The following GRIA1 variants were observed in gnomAD, a reference collection of about 807,000 sequenced individuals.
GRIA1 encodes the protein glutamate ionotropic receptor AMPA type subunit 1, also known as glutamate receptor 1.
GRIA1 carries 31 observed loss-of-function variants against 99.2 expected under a neutral mutation model. The observed-to-expected ratio is 0.31, with a 90% CI of 0.23 to 0.42. The LOEUF (loss-of-function observed/expected upper bound fraction) is 0.42, where lower values mean the gene tolerates loss of function less well. Ranked by LOEUF, GRIA1 falls within the 10% of genes least tolerant of loss-of-function variation. The pLI is 1.00. For missense variants in GRIA1, 782 were observed against 1,157.5 expected, an observed-to-expected ratio of 0.68 and a Z score of 4.71; for synonymous variants, 438 against 432.4, an observed-to-expected ratio of 1.01 and a Z score of -0.16.
chr5:153,708,582 A>G (rs1029677745), intron 11 of GRIA1, among the ~76,000 whole-genome samples: 1 of 152,222 alleles, frequency 6.6e-6, no homozygotes, highest in Non-Finnish European at 1.5e-5. Flanking sequence ...TATAGATCCT[A>G]TAACACAGTA....
chr5:153,715,188 A>G (rs1434961615), intron 11 of GRIA1, among the ~76,000 whole-genome samples: 2 of 152,000 alleles, frequency 1.3e-5, no homozygotes, highest in African/African-American at 2.4e-5. Flanking sequence ...CTAGCTCCCC[A>G]CCTAAGGCTC....
At chr5:153,692,857 A>C (rs906113532) in intron 8 of GRIA1, among the ~76,000 whole-genome samples, 1 of 152,192 alleles carries the variant, frequency 6.6e-6, no homozygotes, top group African/African-American at 2.4e-5. Context: ...CAGAGAGCAC[A>C]CTATGCTAGC....
intron 2 of GRIA1, among the ~76,000 whole-genome samples, chr5:153,534,903 T>G (rs2113455114): frequency 6.6e-6 from 1 of 150,608 alleles, no homozygotes; most frequent in Admixed American, 6.6e-5. Flanking sequence ...CACAGGCCTT[T>G]TTTTGTTTTG....
At chr5:153,534,736 T>A (rs868785500) in intron 2 of GRIA1, among the ~76,000 whole-genome samples, 1 of 152,204 alleles carries the variant, frequency 6.6e-6, no homozygotes, top group Non-Finnish European at 1.5e-5. Context: ...CTTGGCCATC[T>A]ATGAAGTTGG....
chr5:153,803,381 G>A (rs976602189), intron 15 of GRIA1, among the ~76,000 whole-genome samples: 1 of 152,200 alleles, frequency 6.6e-6, no homozygotes, highest in Non-Finnish European at 1.5e-5. Flanking sequence ...ATTTGTGGAA[G>A]TTAATCATGT....
chr5:153,719,149 C>CAGGG (rs1268571597), intron 11 of GRIA1, among the ~76,000 whole-genome samples: 1 of 152,134 alleles, frequency 6.6e-6, no homozygotes, highest in African/African-American at 2.4e-5. Context: ...TGTAAATATG[C>CAGGG]AGGGCTTTCT....
chr5:153,809,886 A>T (rs989719075), intron 15 of GRIA1, among the ~76,000 whole-genome samples: 5 of 152,198 alleles, frequency 3.3e-5, no homozygotes, highest in Admixed American at 1.3e-4. Context: ...TGAGAACAGA[A>T]CGCACCTTGA....
At chr5:153,558,989 A>G (rs1262160143) in intron 2 of GRIA1, among the ~76,000 whole-genome samples, 2 of 152,096 alleles carry the variant, frequency 1.3e-5, no homozygotes, top group African/African-American at 2.4e-5. Context: ...GAAAACAGGC[A>G]TTGGGTTAGG....
intron 2 of GRIA1, among the ~76,000 whole-genome samples, chr5:153,598,753 C>G (rs1452387578): frequency 1.3e-5 from 2 of 152,180 alleles, no homozygotes; most frequent in Non-Finnish European, 2.9e-5. Context: ...TACAATCTAT[C>G]TGTCCAATGA....
intron 15 of GRIA1, among the ~76,000 whole-genome samples, chr5:153,803,598 C>T (rs1349286150): frequency 1.3e-5 from 2 of 152,170 alleles, no homozygotes; most frequent in African/African-American, 2.4e-5. Context: ...TTCAGAAGGA[C>T]AGGTGGGATC....
chr5:153,489,997 G>A (rs1343124750), upstream of GRIA1, among the ~76,000 whole-genome samples: 1 of 151,988 alleles, frequency 6.6e-6, no homozygotes, highest in East Asian at 1.9e-4. Flanking sequence ...TCAAATACCT[G>A]GTCAAAATAC....
intron 14 of GRIA1, among the ~76,000 whole-genome samples, chr5:153,795,236 G>A (rs562141451): frequency 2.0e-5 from 3 of 152,192 alleles, no homozygotes; most frequent in Non-Finnish European, 2.9e-5. Flanking sequence ...GATGGTAGAC[G>A]TTGCTGGTTA....
At position 153,628,334 on chromosome 5, in the gene GRIA1, C is replaced by A. The variant is rs147317322; in HGVS notation, c.221-18594C>A. ...TTTCCGAAGGCAGGACGGCTACAAG[C>A]ATGGAGCTGAAGTTCAGACTGACCT... On this transcript the variant is annotated intron_variant, in intron 2 of 15. Coordinates refer to ENST00000285900, the MANE Select transcript of GRIA1 (RefSeq NM_000827.4). 4.9e-4 allele frequency among the ~76,000 whole-genome samples: 74 copies of A among 152,316 alleles called. 1 individual carries two copies. The East Asian group carries it at 7.7e-3, about 16-fold the overall frequency.
chr5:153,593,241 T>A (rs1013958487), intron 2 of GRIA1, among the ~76,000 whole-genome samples: 1 of 152,148 alleles, frequency 6.6e-6, no homozygotes, highest in Non-Finnish European at 1.5e-5. Flanking sequence ...CCCTCCCACC[T>A]GGGTGACAGA....
At chr5:153,633,933 T>A (rs1171248158) in intron 2 of GRIA1, among the ~76,000 whole-genome samples, 1 of 152,012 alleles carries the variant, frequency 6.6e-6, no homozygotes, top group Non-Finnish European at 1.5e-5. Flanking sequence ...ATCAGGGAGA[T>A]GAAATTAAAC....
chr5:153,681,969 G>A lies in GRIA1; in HGVS notation c.1030-4256G>A, dbSNP rs572162293. Among the ~76,000 whole-genome samples the A allele has an allele frequency of 3.0e-3, 451 of 152,088 alleles. 3 individuals carry two copies. The highest frequency in any genetic ancestry group is 3.9e-3 in the Non-Finnish European group (262 of 67,994). The stretch of plus-strand genomic sequence containing the variant: ...GAATCACTTGAACGCAGGAGGCAGA[G>A]GTTACAGTGAGCCGAGGTTGTGCCA... On this transcript the variant is annotated intron_variant, in intron 7 of 15. Coordinates refer to ENST00000285900, the MANE Select transcript of GRIA1 (RefSeq NM_000827.4).
intron 11 of GRIA1, among the ~76,000 whole-genome samples, chr5:153,707,248 T>G (rs1314567540): frequency 6.6e-6 from 1 of 152,204 alleles, no homozygotes; most frequent in Non-Finnish European, 1.5e-5. Context: ...CATTTTTGTC[T>G]GTTTTATATA....
At chr5:153,491,137 C>G (rs1439405872) in intron 1 of GRIA1, 167 bp downstream of exon 1, 3 of 974,522 alleles carry the variant, frequency 3.1e-6, no homozygotes, top group Non-Finnish European at 4.6e-6. Context: ...GAGGAGGGGG[C>G]TTCTCCTGAT....
At chr5:153,770,449 C>G in intron 13 of GRIA1, 34 bp downstream of exon 13, 3 of 1,591,138 alleles carry the variant, frequency 1.9e-6, no homozygotes, top group Non-Finnish European at 2.6e-6. Flanking sequence ...TTGGTACTCC[C>G]TCTCCCCTCC....
Sources: allele counts gnomAD v4.1 joint callset (sites outside exome capture counted in the v4.1 genomes callset), GRCh38; gene constraint gnomAD v4.1.1; transcripts MANE v1.5; gene names NCBI Gene and HGNC (gene_info 2026-07-23, HGNC 2026-07-21).